FN1: variants seen among roughly 807,000 people sequenced by gnomAD.
FN1 encodes the protein fibronectin.
Under a neutral mutation model 297.3 loss-of-function variants are expected in FN1, and 106 were observed. The observed-to-expected ratio is 0.36, with a 90% CI of 0.30 to 0.42. The LOEUF (loss-of-function observed/expected upper bound fraction) is 0.42. Among genes scored for constraint, FN1 ranks in the 10% least tolerant of loss-of-function variants. The pLI, the probability that FN1 is intolerant of heterozygous loss-of-function variation, is 1.00. For missense variants in FN1, 2,690 were observed against 3,124.9 expected, an observed-to-expected ratio of 0.86 and a Z score of 3.32; for synonymous variants, 1,149 against 1,152.6, an observed-to-expected ratio of 1.00 and a Z score of 0.06.
At position 215,408,261 on chromosome 2, in the gene FN1, A is replaced by G. The variant is rs13306373; in HGVS notation, c.2428+37T>C. On this transcript the variant is annotated intron_variant, in intron 16 of 45. Transcript: ENST00000354785. ...GCTACTACAGGCCTGTGTTTTACAG[A>G]AAAAGATTCTTTTAACACTATGTAG... 4.8e-4 allele frequency: 778 copies of G among 1,614,108 alleles called. 2 individuals carry two copies. In the East Asian group the frequency reaches 0.014, roughly 29 times the overall value.
At chr2:215,379,079 T>A in intron 34 of FN1, 51 bp downstream of exon 34, 1 of 1,446,004 alleles carries the variant, frequency 6.9e-7, no homozygotes, top group Non-Finnish European at 9.7e-7. Flanking sequence ...TTAGAAACTG[T>A]GTTAGAGATG....
Position 215,373,252 on chromosome 2 carries a change from A to G in FN1, c.6247+70T>C, listed in dbSNP as rs540492072. The G allele has an allele frequency of 1.8e-5, 22 of 1,217,774 alleles. No homozygotes were observed. The African/African-American group carries it at 2.8e-4, about 16-fold the overall frequency. The allele number at this position is 1,217,774 out of a possible 1,614,324, so 75.4% of individuals were successfully genotyped here. A position where few individuals can be genotyped will look rare whatever the true frequency, so the allele number is the denominator to read the frequency against. ...ATCAAAACATGGAGAACCTTTTCAT[A>G]TTGCAAGATTGCTCATTTGTTATTA... On this transcript the variant is annotated intron_variant, in intron 39 of 45. Coordinates refer to ENST00000354785, the MANE Select transcript of FN1 (RefSeq NM_212482.4).
chr2:215,405,954 G>A (rs542545185), intron 19 of FN1, among the ~76,000 whole-genome samples: 4 of 152,114 alleles, frequency 2.6e-5, no homozygotes, highest in Admixed American at 2.0e-4. Flanking sequence ...TTAGTTACAC[G>A]AAAAATGCAC....
At chr2:215,406,607 C>G (rs776070635) in intron 18 of FN1, 97 bp from the exon 19 acceptor site, 25 of 1,300,172 alleles carry the variant, frequency 1.9e-5, no homozygotes, top group Non-Finnish European at 2.5e-5. Flanking sequence ...CATTGAGCCT[C>G]TCATTCGAGA....
At position 215,381,026 on chromosome 2, in the gene FN1, T is replaced by C. The variant is rs1470274039; in HGVS notation, c.5219A>G (p.Lys1740Arg). Residue 1740 changes from lysine (K) to arginine (R), a missense_variant, in exon 33 of 46, where the codon AAA becomes AGA. This residue lies in a region of FN1 where 1,743 missense variants were observed against 1,945.2 expected (regional missense o/e 0.90). Coordinates refer to ENST00000354785, the MANE Select transcript of FN1 (RefSeq NM_212482.4). ...CCCCTGTGGGCTTTCCCAAGCAATTTTGATGGAATCGACATCCACATCAGT... is the reference window on the plus strand; with the variant it reads ...CCCCTGTGGGCTTTCCCAAGCAATTCTGATGGAATCGACATCCACATCAGT... ...AFTDVDVDSI[K>R]IAWESPQGQV... 8.1e-6 allele frequency: 13 copies of C among 1,614,236 alleles called. No homozygotes were observed. The highest frequency in any genetic ancestry group is 1.1e-5 in the Non-Finnish European group (13 of 1,180,026).
intron 21 of FN1, 27 bp from the exon 22 acceptor site, chr2:215,397,875 C>T (rs2060492558): frequency 3.1e-6 from 5 of 1,609,490 alleles, no homozygotes; most frequent in Non-Finnish European, 4.3e-6. Context: ...AAAGTAAACA[C>T]CAAGGACAAA....
chr2:215,435,548 G>A, intron 1 of FN1, 107 bp downstream of exon 1: 1 of 1,497,268 alleles, frequency 6.7e-7, no homozygotes, highest in South Asian at 1.2e-5. Flanking sequence ...AGTAAAGCGC[G>A]CACACACTCG....
chr2:215,422,719 A>T (rs1289745866), intron 9 of FN1, among the ~76,000 whole-genome samples: 1 of 152,238 alleles, frequency 6.6e-6, no homozygotes. Flanking sequence ...GTCACACTTG[A>T]CAGTGCCTAC....
chr2:215,370,466 A>G, intron 40 of FN1, 34 bp from the exon 41 acceptor site: 1 of 1,604,402 alleles, frequency 6.2e-7, no homozygotes, highest in Non-Finnish European at 8.5e-7. Context: ...GCAGAGAGAA[A>G]GCATTATAGT....
intron 23 of FN1, 78 bp from the exon 24 acceptor site, chr2:215,394,797 G>A: frequency 9.0e-7 from 1 of 1,108,518 alleles, no homozygotes; most frequent in Admixed American, 1.7e-5. Flanking sequence ...TCCAATGATG[G>A]ATTCACAGGG....
At chr2:215,419,915 C>A (rs1200478768) in intron 11 of FN1, among the ~76,000 whole-genome samples, 1 of 152,186 alleles carries the variant, frequency 6.6e-6, no homozygotes, top group Non-Finnish European at 1.5e-5. Context: ...CGGATGTTAT[C>A]AGTTTGTTTT....
At chr2:215,419,505 T>A in intron 11 of FN1, 120 bp from the exon 12 acceptor site, 1 of 852,308 alleles carries the variant, frequency 1.2e-6, no homozygotes, top group Non-Finnish European at 2.0e-6. Flanking sequence ...CTTACAAATA[T>A]ATGCAGTTAA....
chr2:215,371,858 C>T (rs757736023), intron 40 of FN1, 51 bp downstream of exon 40: 1 of 1,515,770 alleles, frequency 6.6e-7, no homozygotes. Context: ...AGTTACCTAA[C>T]TTATTCCTTT....
chr2:215,414,076 AT>A (rs2063082273), intron 13 of FN1, among the ~76,000 whole-genome samples: 1 of 152,170 alleles, frequency 6.6e-6, no homozygotes, highest in Non-Finnish European at 1.5e-5. Context: ...TTTCTTTGTA[AT>A]TGTAGAATTC....
Position 215,382,412 on chromosome 2 carries a change from A to G in FN1, c.5051-87T>C. On this transcript the variant is annotated intron_variant, in intron 31 of 45. Coordinates refer to ENST00000354785, the MANE Select transcript of FN1 (RefSeq NM_212482.4). ...GCGTCTAGAGTTTGGTAGTAAACAT[A>G]TGGTGGCCTAGAATTTTTATTTGCA... The G allele has an allele frequency of 9.9e-6, 8 of 804,064 alleles. No individual in the cohort carries two copies. In the South Asian group the frequency reaches 1.1e-4, roughly 11 times the overall value. 49.8% of individuals were successfully genotyped at this position (804,064 alleles called of 1,614,324 possible).
intron 42 of FN1, among the ~76,000 whole-genome samples, chr2:215,367,212 T>C (rs936106787): frequency 1.5e-4 from 23 of 152,192 alleles, no homozygotes; most frequent in Non-Finnish European, 2.6e-4. Context: ...CTAATCCTAA[T>C]CTCAAAGCAT....
chr2:215,379,566 C>CT (rs1229815785), intron 33 of FN1: 1 of 395,574 alleles, frequency 2.5e-6, no homozygotes, highest in Non-Finnish European at 4.5e-6. Context: ...TGCCAAAACT[C>CT]TAAGAGATTT....
In FN1 at chr2:215,407,255, G is replaced by C; in HGVS notation, c.2585C>G (p.Ala862Gly). The C allele has an allele frequency of 1.2e-6, 2 of 1,614,106 alleles. No homozygotes were observed. The highest frequency in any genetic ancestry group is 1.7e-6 in the Non-Finnish European group (2 of 1,179,938). Residue 862 changes from alanine to glycine, a missense_variant, in exon 18 of 46, where the codon GCA becomes GGA. Transcript: ENST00000354785. ...SSTELNLPET[A>G]NSVTLSDLQP... is the part of the protein sequence containing the mutation. ...CAAGTCACTGAGGGTGACGGAGTTT[G>C]CAGTTTCAGGAAGGTTGAGTTCTGT...
chr2:215,361,855 T>G (rs1559296772), intron 45 of FN1, 114 bp downstream of exon 45: 1 of 1,401,082 alleles, frequency 7.1e-7, no homozygotes, highest in Non-Finnish European at 9.7e-7. Context: ...AAGTCATTTA[T>G]GAGTTGTTTT....
Sources: gnomAD v4.1 joint callset for allele counts (sites outside exome capture counted in the v4.1 genomes callset) on GRCh38, gnomAD v4.1.1 for gene constraint, gnomAD v4.1.1 regional missense constraint, MANE v1.5 for transcripts, NCBI Gene and HGNC (gene_info 2026-07-23, HGNC 2026-07-21) for gene names.